The following MUC13 variants were observed in gnomAD, a reference collection of about 807,000 sequenced individuals.
MUC13 encodes the protein mucin 13, cell surface associated.
A neutral mutation model predicts 48.3 loss-of-function variants in MUC13; 32 were observed. The observed-to-expected ratio is 0.66, with a 90% CI of 0.50 to 0.89. The LOEUF (loss-of-function observed/expected upper bound fraction) is 0.89, where lower values mean the gene tolerates loss of function less well. MUC13 is among the 40% of genes least tolerant of loss of function. MUC13 has a pLI of 0.00. For missense variants in MUC13, 571 were observed against 622.8 expected (o/e 0.92, Z 0.88); for synonymous variants, 199 against 224.9 (o/e 0.88, Z 1.03).
intron 11 of MUC13, among the ~76,000 whole-genome samples, chr3:124,906,994 A>C (rs1201852994): frequency 1.3e-5 from 2 of 151,768 alleles, no homozygotes; most frequent in Non-Finnish European, 2.9e-5. Context: ...CTTCCTCCTA[A>C]AGTCTCTTAC....
intron 10 of MUC13, among the ~76,000 whole-genome samples, chr3:124,909,224 T>C (rs895355720): frequency 2.0e-5 from 3 of 151,984 alleles, no homozygotes; most frequent in Non-Finnish European, 4.4e-5. Flanking sequence ...TGTCACATTA[T>C]AGTGGAAAAC....
At chr3:124,932,432 G>A (rs912182847) in intron 1 of MUC13, among the ~76,000 whole-genome samples, 2 of 151,672 alleles carry the variant, frequency 1.3e-5, no homozygotes, top group Non-Finnish European at 2.9e-5. Context: ...CAGGTGTGGT[G>A]GCAGGTGCCT....
Position 124,909,098 on chromosome 3 carries a change from G to A in MUC13, c.1338-750C>T, listed in dbSNP as rs578120654. ...GAACCTGGGAGGTGGAGGTTGCAGC[G>A]AGCCAAGATCATGCCACTGCACTCC... On this transcript the variant is annotated intron_variant, in intron 10 of 11. Coordinates refer to ENST00000616727, the MANE Select transcript of MUC13 (RefSeq NM_033049.4). Among the ~76,000 whole-genome samples, 396 of 151,918 alleles carry A rather than the reference G, an allele frequency of 2.6e-3. 2 individuals carry two copies. Among genetic ancestry groups the A allele is most frequent in the African/African-American group, 9.2e-3 (381 of 41,434 alleles).
chr3:124,930,108 CATTCTCGGCCGATG>C (rs1391160127), intron 1 of MUC13, among the ~76,000 whole-genome samples: 1 of 152,210 alleles, frequency 6.6e-6, no homozygotes, highest in African/African-American at 2.4e-5. Flanking sequence ...TGGGAATATT[CATTCTCGGCCGATG>C]CCAAAGAACC....
rs71800171 is a variant in MUC13 at position 124,907,657 on chromosome 3, T to TAG, written c.*488_*489dup. ...AACAAATAGAACTTATATATATATA[T>TAG]AGAGAGAGAGAGAGAGAGAGAGAGT... On this transcript the variant is annotated intron_variant, in intron 11 of 11. Coordinates refer to ENST00000616727, the MANE Select transcript of MUC13 (RefSeq NM_033049.4). Among the ~76,000 whole-genome samples, 151 of 143,932 alleles carry TAG rather than the reference T, an allele frequency of 1.0e-3. 1 individual carries two copies. The East Asian group carries it at 0.013, about 12-fold the overall frequency. The allele number at this position is 143,932 out of a possible 152,430, so 94.4% of individuals were successfully genotyped here. A position where few individuals can be genotyped will look rare whatever the true frequency, so the allele number is the denominator to read the frequency against.
intron 1 of MUC13, among the ~76,000 whole-genome samples, chr3:124,928,517 T>C (rs557272494): frequency 2.4e-4 from 36 of 152,260 alleles, no homozygotes; most frequent in Admixed American, 1.2e-3. Context: ...TAGCTAGGAC[T>C]ACAGTTGTAA....
chr3:124,931,464 C>T (rs917692950), intron 1 of MUC13, among the ~76,000 whole-genome samples: 6 of 151,144 alleles, frequency 4.0e-5, no homozygotes, highest in African/African-American at 1.5e-4. Flanking sequence ...TAAAAATTTT[C>T]AGGCCAGGCG....
At chr3:124,931,475 C>T (rs1198669400) in intron 1 of MUC13, among the ~76,000 whole-genome samples, 12 of 151,628 alleles carry the variant, frequency 7.9e-5, no homozygotes, top group South Asian at 2.1e-4. Context: ...AGGCCAGGCG[C>T]GGTGGCTCAT....
chr3:124,929,621 A>G (rs9824790), intron 1 of MUC13, among the ~76,000 whole-genome samples: 34,539 of 152,078 alleles, frequency 0.23, 3,989 homozygotes, highest in South Asian at 0.3. Flanking sequence ...TACATCAGCA[A>G]CTGGCAATGT....
intron 5 of MUC13, among the ~76,000 whole-genome samples, chr3:124,919,863 G>A (rs1935564089): frequency 6.6e-6 from 1 of 152,088 alleles, no homozygotes; most frequent in Non-Finnish European, 1.5e-5. Context: ...GATGATCACG[G>A]GCCATTCAGT....
intron 1 of MUC13, among the ~76,000 whole-genome samples, chr3:124,934,156 C>T (rs1579374530): frequency 6.6e-6 from 1 of 152,250 alleles, no homozygotes; most frequent in Middle Eastern, 3.4e-3. Context: ...CCCCAGATCT[C>T]ACTCCATAGA....
chr3:124,917,933 A>G (rs1474209469), intron 5 of MUC13, among the ~76,000 whole-genome samples: 3 of 152,188 alleles, frequency 2.0e-5, no homozygotes, highest in Non-Finnish European at 2.9e-5. Flanking sequence ...TTATACACTA[A>G]TTCAGGAGAG....
chr3:124,921,573 T>G (rs536128576), intron 4 of MUC13, among the ~76,000 whole-genome samples: 39 of 152,346 alleles, frequency 2.6e-4, no homozygotes, highest in African/African-American at 9.4e-4. Context: ...GGCTGCAGAA[T>G]GGAAAGACCC....
At chr3:124,931,676 A>C (rs1935801111) in intron 1 of MUC13, among the ~76,000 whole-genome samples, 1 of 151,986 alleles carries the variant, frequency 6.6e-6, no homozygotes, top group Non-Finnish European at 1.5e-5. Flanking sequence ...TGAACCTGGG[A>C]GGCAGAGGTT....
chr3:124,931,241 G>T (rs777195899), intron 1 of MUC13, among the ~76,000 whole-genome samples: 11 of 151,092 alleles, frequency 7.3e-5, no homozygotes, highest in Non-Finnish European at 1.5e-4. Flanking sequence ...GACCATCCTG[G>T]CCAACATGAT....
At position 124,910,637 on chromosome 3, in the gene MUC13, G is replaced by A. The variant is rs375803454; in HGVS notation, c.1253-138C>T. 62 of 1,364,298 alleles carry A rather than the reference G, an allele frequency of 4.5e-5. No individual in the cohort carries two copies. The South Asian group carries it at 8.9e-4, about 20-fold the overall frequency. 84.5% of individuals were successfully genotyped at this position (1,364,298 alleles called of 1,614,324 possible). A position where few individuals can be genotyped will look rare whatever the true frequency, so the allele number is the denominator to read the frequency against. On this transcript the variant is annotated intron_variant, in intron 9 of 11. Transcript: ENST00000616727. ...GTCTCCAACCCTCCAGGCCAGGTTG[G>A]GTAGTTGGCCTATTTCCTTTAGCAT...
intron 1 of MUC13, among the ~76,000 whole-genome samples, chr3:124,928,657 C>T (rs1316797790): frequency 6.6e-6 from 1 of 152,206 alleles, no homozygotes; most frequent in African/African-American, 2.4e-5. Flanking sequence ...GCTGGGATTG[C>T]AGATGTGACC....
intron 1 of MUC13, among the ~76,000 whole-genome samples, chr3:124,930,229 C>T (rs1402207373): frequency 6.6e-6 from 1 of 152,188 alleles, no homozygotes; most frequent in Non-Finnish European, 1.5e-5. Flanking sequence ...GACTTGGTGG[C>T]TTGTTTATTT....
At chr3:124,929,451 C>A (rs1404938188) in intron 1 of MUC13, among the ~76,000 whole-genome samples, 1 of 152,120 alleles carries the variant, frequency 6.6e-6, no homozygotes, top group African/African-American at 2.4e-5. Context: ...ATTTCTAAAC[C>A]TTAGGGTGCA....
Sources: allele counts gnomAD v4.1 joint callset (sites outside exome capture counted in the v4.1 genomes callset), GRCh38; gene constraint gnomAD v4.1.1; transcripts MANE v1.5; gene names NCBI Gene and HGNC (gene_info 2026-07-23, HGNC 2026-07-21).